ASTN2: variants seen among roughly 807,000 people sequenced by gnomAD.
The protein encoded by ASTN2 is astrotactin-2.
Under a neutral mutation model 139.8 loss-of-function variants are expected in ASTN2, and 54 were observed. The observed-to-expected ratio is 0.39, with a 90% confidence interval of 0.31 to 0.48. The LOEUF is 0.48. ASTN2 is among the 20% of genes least tolerant of loss of function. The pLI, the probability that ASTN2 is intolerant of heterozygous loss-of-function variation, is 0.95. For synonymous variants in ASTN2, 756 were observed against 719.5 expected (o/e 1.05, Z -0.81); for missense variants, 1,565 against 1,725.1 (o/e 0.91, Z 1.64).
At chr9:117,302,782 C>A (rs929809531) in intron 1 of ASTN2, among the ~76,000 whole-genome samples, 1 of 152,160 alleles carries the variant, frequency 6.6e-6, no homozygotes, top group Non-Finnish European at 1.5e-5. Flanking sequence ...AATAAACATA[C>A]TTGACATTAA....
chr9:117,060,457 A>AAAGG (rs767897842), intron 5 of ASTN2, among the ~76,000 whole-genome samples: 950 of 61,436 alleles, frequency 0.015, 119 homozygotes, highest in African/African-American at 0.078. Flanking sequence ...AGAAAGAAAG[A>AAAGG]AAGGAAGGAA....
intron 4 of ASTN2, among the ~76,000 whole-genome samples, chr9:117,137,081 T>C (rs1829968852): frequency 6.6e-6 from 1 of 152,172 alleles, no homozygotes; most frequent in African/African-American, 2.4e-5. Flanking sequence ...TCCTTTATAC[T>C]GCCCATAAGA....
intron 13 of ASTN2, among the ~76,000 whole-genome samples, chr9:116,744,185 T>C (rs970853424): frequency 1.3e-5 from 2 of 152,098 alleles, no homozygotes; most frequent in Admixed American, 6.5e-5. Flanking sequence ...CGCATGTGTG[T>C]GTATGGAAGA....
rs148393712 is a variant in ASTN2, at chr9:116,844,686, G to A, written c.2040+18897C>T. ...TAAGATCCTGATTGTTATAAAAGTT[G>A]CTATTATGATTATTATCACTCTTAA... On this transcript the variant is annotated intron_variant, in intron 11 of 22. Transcript: ENST00000313400. 6.1e-3 allele frequency among the ~76,000 whole-genome samples: 921 copies of A among 151,938 alleles called. 8 individuals are homozygous for A. Among genetic ancestry groups the A allele is most frequent in the African/African-American group, 0.021 (866 of 41,434 alleles).
intron 3 of ASTN2, among the ~76,000 whole-genome samples, chr9:117,185,415 G>T (rs1245925038): frequency 6.6e-6 from 1 of 152,142 alleles, no homozygotes; most frequent in Non-Finnish European, 1.5e-5. Flanking sequence ...GATGTTTGAG[G>T]ATCTGCCACA....
At chr9:116,581,508 G>A (rs528084837) in intron 19 of ASTN2, among the ~76,000 whole-genome samples, 1 of 152,184 alleles carries the variant, frequency 6.6e-6, no homozygotes, top group Non-Finnish European at 1.5e-5. Flanking sequence ...ATATAGACAT[G>A]CATTGTTTCA....
At chr9:116,756,770 A>AACAC (rs111716372) in intron 13 of ASTN2, among the ~76,000 whole-genome samples, 19,214 of 147,904 alleles carry the variant, frequency 0.13, 1,304 homozygotes, top group Non-Finnish European at 0.15. Flanking sequence ...CTCCGAATAA[A>AACAC]ACACACACAC....
intron 13 of ASTN2, among the ~76,000 whole-genome samples, chr9:116,803,491 T>G (rs1481986166): frequency 1.1e-4 from 1 of 8,708 alleles, no homozygotes; most frequent in Non-Finnish European, 2.4e-4. Context: ...AATATATATA[T>G]ATATATATAT....
At chr9:116,657,267 T>C (rs1858273180) in intron 16 of ASTN2, among the ~76,000 whole-genome samples, 1 of 152,160 alleles carries the variant, frequency 6.6e-6, no homozygotes, top group African/African-American at 2.4e-5. Flanking sequence ...CCTTTATAAA[T>C]AATAGTACCA....
intron 19 of ASTN2, among the ~76,000 whole-genome samples, chr9:116,617,085 T>C (rs756048826): frequency 6.6e-6 from 1 of 152,206 alleles, no homozygotes. Context: ...CAGTCAATAA[T>C]GTGGAAAAAG....
intron 17 of ASTN2, among the ~76,000 whole-genome samples, chr9:116,644,614 T>C (rs1405601139): frequency 1.3e-5 from 2 of 152,220 alleles, no homozygotes; most frequent in Non-Finnish European, 2.9e-5. Context: ...AGTTTTACTA[T>C]CTGTAAAATA....
chr9:117,413,595 C>T (rs887705381), intron 1 of ASTN2, among the ~76,000 whole-genome samples: 1 of 152,234 alleles, frequency 6.6e-6, no homozygotes, highest in Non-Finnish European at 1.5e-5. Flanking sequence ...CTTCCCACAG[C>T]TCCACTGAAG....
At chr9:116,717,228 G>GT (rs1828335609) in intron 16 of ASTN2, among the ~76,000 whole-genome samples, 1 of 152,170 alleles carries the variant, frequency 6.6e-6, no homozygotes, top group Non-Finnish European at 1.5e-5. Flanking sequence ...ATTATTCTTG[G>GT]TATGCACCAA....
intron 1 of ASTN2, among the ~76,000 whole-genome samples, chr9:117,292,518 T>G (rs2416597): frequency 0.42 from 63,711 of 151,892 alleles, 15,235 homozygotes; most frequent in East Asian, 0.57. Context: ...GTGGATTTCT[T>G]GGAGGATTAT....
At chr9:117,231,631 G>C (rs570929966) in intron 2 of ASTN2, among the ~76,000 whole-genome samples, 7 of 152,308 alleles carry the variant, frequency 4.6e-5, no homozygotes, top group Middle Eastern at 3.4e-3. Context: ...CACTGGTGAA[G>C]TCCAAGAAGC....
chr9:116,985,298 C>T (rs1308960521), intron 7 of ASTN2, among the ~76,000 whole-genome samples: 1 of 152,222 alleles, frequency 6.6e-6, no homozygotes, highest in African/African-American at 2.4e-5. Context: ...ATCAGCACGC[C>T]TCTGAGAGCA....
At chr9:117,122,504 T>C (rs767868029) in intron 4 of ASTN2, among the ~76,000 whole-genome samples, 1 of 152,136 alleles carries the variant, frequency 6.6e-6, no homozygotes, top group Non-Finnish European at 1.5e-5. Context: ...GCTCTGTATA[T>C]GGATACAAGG....
At chr9:116,910,916 G>A (rs532060554) in intron 10 of ASTN2, among the ~76,000 whole-genome samples, 7 of 152,252 alleles carry the variant, frequency 4.6e-5, no homozygotes, top group Admixed American at 1.3e-4. Flanking sequence ...AGGGTAGAGC[G>A]AGACCAGTCT....
chr9:116,686,452 T>C (rs1318840662), intron 16 of ASTN2, among the ~76,000 whole-genome samples: 1 of 152,184 alleles, frequency 6.6e-6, no homozygotes, highest in Non-Finnish European at 1.5e-5. Context: ...TCCAAGTCCA[T>C]CCTACTTCAA....
Sources: allele counts gnomAD v4.1 joint callset (sites outside exome capture counted in the v4.1 genomes callset), GRCh38; gene constraint gnomAD v4.1.1; transcripts MANE v1.5; gene names NCBI Gene and HGNC (gene_info 2026-07-23, HGNC 2026-07-21).